RAG1: variants seen among roughly 807,000 people sequenced by gnomAD.
The protein encoded by RAG1 is recombination activating 1.
A neutral mutation model predicts 62.7 loss-of-function variants in RAG1; 35 were observed. That is an observed-to-expected ratio of 0.56 (90% CI 0.43 to 0.74). RAG1 has a LOEUF of 0.74. RAG1 is among the 30% of genes least tolerant of loss of function. The probability of loss-of-function intolerance (pLI) is 0.00; values close to 1 mark genes in which losing one functional copy is unlikely to be tolerated. For missense variants in RAG1, 1,169 were observed against 1,278.6 expected (o/e 0.91, Z 1.31); for synonymous variants, 461 against 470.3 (o/e 0.98, Z 0.26).
At chr11:36,548,782 C>T (rs912125120) in intron 3 of RAG1, among the ~76,000 whole-genome samples, 3 of 152,120 alleles carry the variant, frequency 2.0e-5, no homozygotes, top group Admixed American at 6.5e-5. Flanking sequence ...CTTTAAATTT[C>T]ATATGGAACC....
chr11:36,561,206 T>A (rs1001287118), intron 3 of RAG1, among the ~76,000 whole-genome samples: 3 of 152,184 alleles, frequency 2.0e-5, no homozygotes, highest in Admixed American at 1.3e-4. Context: ...AAGATGGATT[T>A]TCTTGGGGCT....
At chr11:36,569,673 C>A (rs1850709795) in intron 1 of RAG1, among the ~76,000 whole-genome samples, 1 of 152,000 alleles carries the variant, frequency 6.6e-6, no homozygotes, top group South Asian at 2.1e-4. Context: ...AAATGTATCA[C>A]AAAATTAATA....
intron 2 of RAG1, among the ~76,000 whole-genome samples, chr11:36,523,883 C>T (rs113436410): frequency 6.6e-6 from 1 of 152,138 alleles, no homozygotes; most frequent in East Asian, 1.9e-4. Context: ...AATATCTTGA[C>T]ATTCATACAG....
At chr11:36,529,417 GA>G (rs1219564908) in intron 2 of RAG1, among the ~76,000 whole-genome samples, 44 of 152,244 alleles carry the variant, frequency 2.9e-4, no homozygotes, top group Non-Finnish European at 4.3e-4. Context: ...AATAGGTATA[GA>G]AAAGGTCTTC....
upstream of RAG1, among the ~76,000 whole-genome samples, chr11:36,567,587 C>G (rs1850679537): frequency 6.6e-6 from 1 of 152,176 alleles, no homozygotes; most frequent in South Asian, 2.1e-4. Flanking sequence ...TTGTTAATAT[C>G]TGATGAACAT....
chr11:36,520,837 C>T (rs1860068189), intron 2 of RAG1, among the ~76,000 whole-genome samples: 1 of 152,116 alleles, frequency 6.6e-6, no homozygotes, highest in Admixed American at 6.6e-5. Flanking sequence ...TTCCTTCTTT[C>T]ATCCTACTTC....
At chr11:36,562,136 G>A (rs935528335) in intron 3 of RAG1, among the ~76,000 whole-genome samples, 2 of 152,180 alleles carry the variant, frequency 1.3e-5, no homozygotes, top group African/African-American at 2.4e-5. Flanking sequence ...GAGAAGTAAA[G>A]TGATTTGACT....
intron 2 of RAG1, among the ~76,000 whole-genome samples, chr11:36,521,754 T>C (rs331444): frequency 0.96 from 146,367 of 152,264 alleles, 70,591 homozygotes; most frequent in Non-Finnish European, 1. Context: ...TGGCTTTGAC[T>C]AAAATGCTGA....
At chr11:36,537,850 A>G (rs887179304), downstream of RAG1, among the ~76,000 whole-genome samples, 2 of 152,254 alleles carry the variant, frequency 1.3e-5, no homozygotes, top group South Asian at 2.1e-4. Flanking sequence ...CACTTATCCT[A>G]TAGTATCTAT....
At chr11:36,549,263 A>T (rs879371621) in intron 3 of RAG1, among the ~76,000 whole-genome samples, 22 of 152,346 alleles carry the variant, frequency 1.4e-4, no homozygotes, top group Non-Finnish European at 3.2e-4. Context: ...AAAAGCCAAA[A>T]TTGACAAATG....
At position 36,574,621 on chromosome 11, in the gene RAG1, G is replaced by T. The variant is rs938620657; in HGVS notation, c.1317G>T (p.Leu439=). The T allele has an allele frequency of 6.2e-7, 1 of 1,614,122 alleles. No individual in the cohort carries two copies. The stretch of plus-strand genomic sequence containing the variant: ...AGTCCGTGTGCATGACCTTGTTCCT[G>T]CTGGCTCTGAGGGCGAGGAATGAGC... ...DVKSVCMTLF[L]LALRARNEHR... Residue 439 remains leucine, a synonymous_variant, in exon 2 of 2, where the codon CTG becomes CTT. Transcript: ENST00000299440.
chr11:36,521,730 A>C (rs1860083244), intron 2 of RAG1, among the ~76,000 whole-genome samples: 1 of 152,196 alleles, frequency 6.6e-6, no homozygotes, highest in Non-Finnish European at 1.5e-5. Flanking sequence ...GGAACTTCCT[A>C]GACACTTGTT....
chr11:36,570,415 G>A (rs1850723356), intron 1 of RAG1, among the ~76,000 whole-genome samples: 1 of 152,118 alleles, frequency 6.6e-6, no homozygotes, highest in Non-Finnish European at 1.5e-5. Flanking sequence ...TCTACCAAAA[G>A]TAATACACGT....
In RAG1 at chr11:36,575,695, C is replaced by T. The variant is rs531271076; in HGVS notation, c.2391C>T (p.Leu797=). 9 of 1,614,198 alleles carry T rather than the reference C, an allele frequency of 5.6e-6. No individual in the cohort carries two copies. The South Asian group carries it at 8.8e-5, about 16-fold the overall frequency. ...AGACAGTCCCTTCCATAGATGCACT[C>T]CACTGTGACATTGGCAATGCAGCTG... ...FIETVPSIDA[L]HCDIGNAAEF... is the part of the protein sequence containing the mutation. The change falls in exon 2 of 2, where the codon CTC becomes CTT. Residue 797 remains leucine, a synonymous_variant. Coordinates refer to ENST00000299440, the MANE Select transcript of RAG1 (RefSeq NM_000448.3). This position sits in a 1 kb window ranked among gnomAD's most constrained non-coding sequence, Gnocchi z 4.1.
At chr11:36,520,537 G>A (rs1008768090) in intron 2 of RAG1, among the ~76,000 whole-genome samples, 2 of 152,080 alleles carry the variant, frequency 1.3e-5, no homozygotes, top group South Asian at 2.1e-4. Context: ...TCGACCTCCC[G>A]AAGTGCTGGG....
chr11:36,549,159 C>A (rs1201156543), intron 3 of RAG1, among the ~76,000 whole-genome samples: 4 of 152,134 alleles, frequency 2.6e-5, no homozygotes, highest in Non-Finnish European at 5.9e-5. Flanking sequence ...AGACCTAAAA[C>A]CATAAAAACC....
intron 3 of RAG1, among the ~76,000 whole-genome samples, chr11:36,545,112 T>C (rs1850373760): frequency 6.6e-6 from 1 of 152,258 alleles, no homozygotes; most frequent in South Asian, 2.1e-4. Flanking sequence ...CAGTATTTTA[T>C]TATTACAAAC....
chr11:36,511,386 C>A (rs984755633), intron 1 of RAG1, among the ~76,000 whole-genome samples: 3 of 152,130 alleles, frequency 2.0e-5, no homozygotes, highest in African/African-American at 7.2e-5. Context: ...CCCTGGCAGT[C>A]AAGGCTACAG....
At chr11:36,519,831 C>G (rs976526890) in intron 1 of RAG1, among the ~76,000 whole-genome samples, 1 of 152,068 alleles carries the variant, frequency 6.6e-6, no homozygotes, top group Non-Finnish European at 1.5e-5. Flanking sequence ...CCCACACCCA[C>G]AACTTTAAAA....
Sources: gnomAD v4.1 joint callset for allele counts (sites outside exome capture counted in the v4.1 genomes callset) on GRCh38, gnomAD v4.1.1 for gene constraint, Gnocchi (gnomAD v3.1) non-coding constraint, MANE v1.5 for transcripts, NCBI Gene and HGNC (gene_info 2026-07-23, HGNC 2026-07-21) for gene names.